Variants in ZFYVE21 observed in about 807,000 individuals in gnomAD.
The protein encoded by ZFYVE21 is zinc finger FYVE-type containing 21.
A neutral mutation model predicts 29.5 loss-of-function variants in ZFYVE21; 21 were observed. The observed-to-expected ratio is 0.71, with a 90% CI of 0.50 to 1.02. ZFYVE21 has a LOEUF of 1.02. Ranked by LOEUF, ZFYVE21 falls within the 50% of genes least tolerant of loss-of-function variation. The pLI is 0.00. For synonymous variants in ZFYVE21, 151 were observed against 133.8 expected, an observed-to-expected ratio of 1.13 and a Z score of -0.89; for missense variants, 326 against 335.4, an observed-to-expected ratio of 0.97 and a Z score of 0.22.
intron 1 of ZFYVE21, among the ~76,000 whole-genome samples, chr14:103,719,384 A>C (rs907855255): frequency 6.6e-6 from 1 of 151,574 alleles, no homozygotes; most frequent in Non-Finnish European, 1.5e-5. Context: ...TGAACCGGGA[A>C]GAGGAGGTTG....
At chr14:103,732,881 G>C in intron 6 of ZFYVE21, 102 bp from the exon 7 acceptor site, 8 of 1,603,798 alleles carry the variant, frequency 5.0e-6, no homozygotes, top group Non-Finnish European at 6.8e-6. Flanking sequence ...TTCCCCCTCA[G>C]CTGGGGTGCC....
chr14:103,726,575 C>G, intron 1 of ZFYVE21: 1 of 596,316 alleles, frequency 1.7e-6, no homozygotes, highest in Non-Finnish European at 3.0e-6. Context: ...GTGCATCTCC[C>G]GCAGGCCTGG....
At chr14:103,725,404 C>A (rs977902295) in intron 1 of ZFYVE21, 3 of 152,400 alleles carry the variant, frequency 2.0e-5, no homozygotes, top group Admixed American at 6.5e-5. Flanking sequence ...GGACCCACGC[C>A]CCTCAGAAGC....
At chr14:103,717,192 G>A (rs1232215790) in intron 1 of ZFYVE21, among the ~76,000 whole-genome samples, 1 of 152,176 alleles carries the variant, frequency 6.6e-6, no homozygotes, top group African/African-American at 2.4e-5. Flanking sequence ...GCGTGTCCTG[G>A]AGAGTTGAGA....
At chr14:103,728,003 TC>T (rs1258182411) in intron 3 of ZFYVE21, 89 bp downstream of exon 3, 1 of 1,384,630 alleles carries the variant, frequency 7.2e-7, no homozygotes, top group African/African-American at 1.5e-5. Flanking sequence ...CACGGGGCGT[TC>T]TGCTTCTCTG....
intron 1 of ZFYVE21, chr14:103,726,140 G>A (rs1174391775): frequency 6.6e-6 from 1 of 152,296 alleles, no homozygotes; most frequent in Non-Finnish European, 1.5e-5. Context: ...GCCCGCCCCC[G>A]TGGCACACAC....
intron 3 of ZFYVE21, 82 bp downstream of exon 3, chr14:103,727,996 G>T: frequency 7.0e-7 from 1 of 1,429,268 alleles, no homozygotes. Flanking sequence ...GGCTGTGCAC[G>T]GGGCGTTCTG....
chr14:103,721,100 A>G (rs1030531884), intron 1 of ZFYVE21, among the ~76,000 whole-genome samples: 1 of 152,060 alleles, frequency 6.6e-6, no homozygotes, highest in Non-Finnish European at 1.5e-5. Flanking sequence ...TGCTGGGATT[A>G]CAGGTGTGGC....
intron 3 of ZFYVE21, chr14:103,728,684 C>G: frequency 1.9e-6 from 1 of 527,634 alleles, no homozygotes. Context: ...GCTTTGTAAG[C>G]AAGCAGAACC....
chr14:103,728,440 G>C (rs1042177077), intron 3 of ZFYVE21, among the ~76,000 whole-genome samples: 1 of 152,136 alleles, frequency 6.6e-6, no homozygotes, highest in Non-Finnish European at 1.5e-5. Context: ...CCTGTCCCCT[G>C]CCTGCCCGCC....
chr14:103,723,283 C>T (rs1239553364), intron 1 of ZFYVE21, among the ~76,000 whole-genome samples: 1 of 152,240 alleles, frequency 6.6e-6, no homozygotes, highest in Admixed American at 6.5e-5. Context: ...TGCCACCGCA[C>T]AGCAGGCAGA....
intron 1 of ZFYVE21, 30 bp from the exon 2 acceptor site, chr14:103,726,762 C>G (rs2295151): frequency 0.49 from 795,478 of 1,612,474 alleles, 202,545 homozygotes; most frequent in African/African-American, 0.84. Context: ...GACCAAGCTG[C>G]GTTTTAACGC....
intron 1 of ZFYVE21, among the ~76,000 whole-genome samples, chr14:103,722,600 A>G (rs1391731664): frequency 1.3e-5 from 2 of 152,084 alleles, no homozygotes; most frequent in Non-Finnish European, 1.5e-5. Flanking sequence ...CAGGCAGATC[A>G]CAAGGTCAGG....
At chr14:103,726,379 C>G (rs1235355226) in intron 1 of ZFYVE21, 1 of 161,992 alleles carries the variant, frequency 6.2e-6, no homozygotes, top group African/African-American at 2.4e-5. Flanking sequence ...TTGGCTCTTG[C>G]TGTGGATTTC....
intron 5 of ZFYVE21, chr14:103,732,331 C>T (rs763157866): frequency 5.9e-4 from 178 of 300,690 alleles, no homozygotes; most frequent in Non-Finnish European, 9.5e-4. Context: ...CTCAATTAGC[C>T]GAGAGCAAGG....
At chr14:103,722,812 C>CAAAA (rs748652620) in intron 1 of ZFYVE21, among the ~76,000 whole-genome samples, 1 of 138,852 alleles carries the variant, frequency 7.2e-6, no homozygotes, top group East Asian at 2.1e-4. Flanking sequence ...GACTCCGTCT[C>CAAAA]AAAAAAAAAA....
chr14:103,718,450 C>T (rs1043286948), intron 1 of ZFYVE21, among the ~76,000 whole-genome samples: 29 of 152,208 alleles, frequency 1.9e-4, no homozygotes, highest in Non-Finnish European at 4.1e-4. Context: ...CTCAGATTCT[C>T]AAGGCTCTGA....
rs927030836 is a variant in ZFYVE21, at chr14:103,733,531, G to C, written c.*513G>C. The stretch of plus-strand genomic sequence containing the variant: ...AATTTGGGGCTTCTGGGCTGTGAGT[G>C]ATCCTTTGATACTTCACCAAGGGGA... On this transcript the variant is annotated 3_prime_UTR_variant, in exon 7 of 7. Coordinates refer to ENST00000311141, the MANE Select transcript of ZFYVE21 (RefSeq NM_024071.4). 14 of 154,296 alleles carry C rather than the reference G, an allele frequency of 9.1e-5. No homozygotes were observed. The highest frequency in any genetic ancestry group is 3.1e-4 in the African/African-American group (13 of 41,466). 9.6% of individuals were successfully genotyped at this position (154,296 alleles called of 1,614,324 possible).
chr14:103,727,657 G>A (rs751594353), intron 2 of ZFYVE21, 89 bp from the exon 3 acceptor site: 2 of 1,552,204 alleles, frequency 1.3e-6, no homozygotes, highest in East Asian at 4.6e-5. Context: ...TTTAGGCGTG[G>A]CCCGGGGAGT....
Sources: allele counts gnomAD v4.1 joint callset (sites outside exome capture counted in the v4.1 genomes callset), GRCh38; gene constraint gnomAD v4.1.1; transcripts MANE v1.5; gene names NCBI Gene and HGNC (gene_info 2026-07-23, HGNC 2026-07-21).